ATG2B: variants seen among roughly 807,000 people sequenced by gnomAD.
ATG2B encodes the protein autophagy related 2B.
ATG2B carries 121 observed loss-of-function variants against 241.3 expected under a neutral mutation model. The ratio of observed to expected loss-of-function variants is 0.50; its 90% confidence interval spans 0.43 to 0.58. The LOEUF is 0.58. Among genes scored for constraint, ATG2B ranks in the 20% least tolerant of loss-of-function variants. The pLI, the probability that ATG2B is intolerant of heterozygous loss-of-function variation, is 0.00. For missense variants in ATG2B, 2,306 were observed against 2,491.6 expected, an observed-to-expected ratio of 0.93 and a Z score of 1.59; for synonymous variants, 858 against 876.6, an observed-to-expected ratio of 0.98 and a Z score of 0.37.
intron 23 of ATG2B, among the ~76,000 whole-genome samples, chr14:96,314,289 T>C (rs939120011): frequency 6.6e-6 from 1 of 152,220 alleles, no homozygotes; most frequent in South Asian, 2.1e-4. Context: ...GAAGCAATCA[T>C]AGTGCACTAG....
chr14:96,299,558 AG>A (rs1367746568), intron 34 of ATG2B, among the ~76,000 whole-genome samples: 6 of 152,212 alleles, frequency 3.9e-5, no homozygotes, highest in African/African-American at 1.4e-4. Context: ...GCAGAGTTCC[AG>A]GCAGTACAAA....
rs146028674 is a variant in ATG2B, at chr14:96,305,738, G to A, written c.4584C>T (p.Pro1528=). ...IVIRDNYFSL[P]VNKTDTSKAP... ...CTTTGCTCGTATCGGTCTTATTAAC[G>A]GGCAGACTGAAATAATTGTCTCTTA... is the stretch of plus-strand genomic sequence containing the variant. Residue 1528 remains proline, a synonymous_variant, in exon 31 of 42, where the codon CCC becomes CCT. Coordinates refer to ENST00000359933, the MANE Select transcript of ATG2B (RefSeq NM_018036.7). 4,602 of 1,614,086 alleles carry A rather than the reference G, an allele frequency of 2.9e-3. 9 individuals are homozygous for A. The highest frequency in any genetic ancestry group is 4.3e-3 in the Admixed American group (261 of 60,024).
In ATG2B at chr14:96,281,313, T is replaced by C. The variant is rs1261947814; in HGVS notation, c.*4442A>G. 6.6e-6 allele frequency: 1 copy of C among 152,238 alleles called. No individual in the cohort carries two copies. Among genetic ancestry groups the C allele is most frequent in the Non-Finnish European group, 1.5e-5 (1 of 68,034 alleles). 9.4% of individuals were successfully genotyped at this position (152,238 alleles called of 1,614,324 possible). On this transcript the variant is annotated 3_prime_UTR_variant, in exon 42 of 42. Coordinates refer to ENST00000359933, the MANE Select transcript of ATG2B (RefSeq NM_018036.7). ...CAAGAGTATTCTTATTTTCATATTA[T>C]TTAAATAGTCACATTAACAAGGTAC...
intron 21 of ATG2B, 138 bp downstream of exon 21, chr14:96,316,395 T>G (rs1887313976): frequency 1.2e-6 from 1 of 836,140 alleles, no homozygotes; most frequent in Non-Finnish European, 1.8e-6. Flanking sequence ...TTGTAAATAT[T>G]ACTTTGACAG....
intron 7 of ATG2B, 126 bp downstream of exon 7, chr14:96,334,279 T>C: frequency 1.6e-6 from 1 of 645,144 alleles, no homozygotes; most frequent in Non-Finnish European, 2.7e-6. Flanking sequence ...AACATTCTTA[T>C]TTGCTTCTTT....
At chr14:96,340,666 A>G (rs575917650) in intron 6 of ATG2B, among the ~76,000 whole-genome samples, 2 of 152,198 alleles carry the variant, frequency 1.3e-5, no homozygotes, top group Non-Finnish European at 2.9e-5. Context: ...TAATCCCAAC[A>G]CTTTGGGAGG....
rs777258230 is a variant in ATG2B, at chr14:96,317,690, T to A, written c.3037+8A>T. ...ATTTTAAATCAAAACAAATTAAAAA[T>A]ATATTACCATAGTGAACTGCAGATT... On this transcript the variant is annotated splice_region_variant and intron_variant, in intron 19 of 41. Transcript: ENST00000359933. 1.2e-5 allele frequency: 19 copies of A among 1,578,598 alleles called. No homozygotes were observed. Among genetic ancestry groups the A allele is most frequent in the Non-Finnish European group, 1.5e-5 (17 of 1,158,136 alleles).
chr14:96,285,995 G>A lies in ATG2B; in HGVS notation c.6007-10C>T. On this transcript the variant is annotated splice_polypyrimidine_tract_variant and intron_variant, in intron 41 of 41. Transcript: ENST00000359933. This position sits in a 1 kb window ranked among gnomAD's most constrained non-coding sequence, Gnocchi z 4.2. ...CCGTGTCTGTGATTCCCTGCGTAGA[G>A]GAGGGAGGTAGGAGAGAGGAGGGCA... 1 of 1,605,256 alleles carries A rather than the reference G, an allele frequency of 6.2e-7. No homozygotes were observed.
At chr14:96,346,835 C>T (rs1355572388) in intron 2 of ATG2B, among the ~76,000 whole-genome samples, 1 of 152,178 alleles carries the variant, frequency 6.6e-6, no homozygotes, top group Non-Finnish European at 1.5e-5. Flanking sequence ...ACACTCAATC[C>T]TGTGTCCCTT....
In ATG2B at chr14:96,339,026, G is replaced by C. The variant is rs141220398; in HGVS notation, c.924+2496C>G. ...TTAAACAGCCAACAACCATGAAAAA[G>C]TGTTCAACATCACTAATCATCAGGA... On this transcript the variant is annotated intron_variant, in intron 6 of 41. Coordinates refer to ENST00000359933, the MANE Select transcript of ATG2B (RefSeq NM_018036.7). 9.6e-4 allele frequency among the ~76,000 whole-genome samples: 146 copies of C among 152,040 alleles called. 1 individual carries two copies. The highest frequency in any genetic ancestry group is 3.3e-3 in the African/African-American group (138 of 41,508).
chr14:96,323,797 A>G, intron 16 of ATG2B, 99 bp downstream of exon 16: 1 of 790,368 alleles, frequency 1.3e-6, no homozygotes, highest in South Asian at 1.5e-5. Flanking sequence ...TCAAGGATGG[A>G]CATGTTTAGC....
At chr14:96,327,332 C>T (rs1356030624) in intron 14 of ATG2B, among the ~76,000 whole-genome samples, 1 of 152,018 alleles carries the variant, frequency 6.6e-6, no homozygotes, top group East Asian at 1.9e-4. Context: ...AATAAAATAT[C>T]TTTTTCCTTT....
rs151106235 is a variant in ATG2B at position 96,342,893 on chromosome 14, A to G, written c.744+226T>C. Reference sequence around the variant, plus strand: ...ACACCATTTTCCCCCAAGATACAGTACCCAACATTTCTCTTTCAAACTAAT... The same window carrying G: ...ACACCATTTTCCCCCAAGATACAGTGCCCAACATTTCTCTTTCAAACTAAT... On this transcript the variant is annotated intron_variant, in intron 5 of 41. Transcript: ENST00000359933. Among the ~76,000 whole-genome samples the G allele has an allele frequency of 5.3e-5, 8 of 152,210 alleles. No homozygotes were observed. In the East Asian group the frequency reaches 1.5e-3, roughly 29 times the overall value.
Position 96,302,126 on chromosome 14 carries a change from G to A in ATG2B, c.5038-18C>T. 1 of 1,521,920 alleles carries A rather than the reference G, an allele frequency of 6.6e-7. No homozygotes were observed. The highest frequency in any genetic ancestry group is 9.1e-7 in the Non-Finnish European group (1 of 1,102,300). The allele number at this position is 1,521,920 out of a possible 1,614,324, so 94.3% of individuals were successfully genotyped here. On this transcript the variant is annotated intron_variant, in intron 33 of 41. Transcript: ENST00000359933. ...ACTGTCAACTACAAGGCAAGAAAGA[G>A]AATAACATTTTTCCCCAATAATATG...
At chr14:96,327,230 CAATAATAATAAT>C (rs74459993) in intron 14 of ATG2B, among the ~76,000 whole-genome samples, 44 of 148,812 alleles carry the variant, frequency 3.0e-4, no homozygotes, top group African/African-American at 7.7e-4. Flanking sequence ...ATGTCTGTCT[CAATAATAATAAT>C]AATAATAATA....
intron 15 of ATG2B, chr14:96,324,248 A>C: frequency 2.4e-6 from 1 of 409,982 alleles, no homozygotes. Context: ...TGACATAGTA[A>C]ATAGAGCAAG....
At chr14:96,331,772 T>C (rs923862456) in intron 10 of ATG2B, 135 bp from the exon 11 acceptor site, 15 of 744,932 alleles carry the variant, frequency 2.0e-5, no homozygotes, top group Middle Eastern at 4.0e-4. Context: ...AAACAATTAA[T>C]TTAAGTAAAA....
At chr14:96,309,316 AC>A in intron 29 of ATG2B, 136 bp downstream of exon 29, 1 of 1,111,744 alleles carries the variant, frequency 9.0e-7, no homozygotes, top group Middle Eastern at 2.1e-4. Flanking sequence ...CTGAGTAGAC[AC>A]AAGCTGAATG....
At chr14:96,292,611 T>C (rs1267079642) in intron 36 of ATG2B, among the ~76,000 whole-genome samples, 7 of 152,246 alleles carry the variant, frequency 4.6e-5, no homozygotes, top group Non-Finnish European at 8.8e-5. Context: ...GGTTCATCTA[T>C]GACATGCAAC....
Sources: allele counts gnomAD v4.1 joint callset (sites outside exome capture counted in the v4.1 genomes callset), GRCh38; gene constraint gnomAD v4.1.1; non-coding constraint Gnocchi (gnomAD v3.1); transcripts MANE v1.5; gene names NCBI Gene and HGNC (gene_info 2026-07-23, HGNC 2026-07-21).